The following HTR4 variants were observed in gnomAD, a reference collection of about 807,000 sequenced individuals.
The protein encoded by HTR4 is 5-hydroxytryptamine receptor 4.
HTR4 carries 16 observed loss-of-function variants against 36.8 expected under a neutral mutation model. The observed-to-expected ratio is 0.43, with a 90% confidence interval of 0.29 to 0.66. The LOEUF (loss-of-function observed/expected upper bound fraction) is 0.66, where lower values mean the gene tolerates loss of function less well. HTR4 is among the 30% of genes least tolerant of loss of function. HTR4 has a pLI of 0.13. For synonymous variants in HTR4, 189 were observed against 185.1 expected, an observed-to-expected ratio of 1.02 and a Z score of -0.17; for missense variants, 438 against 490.9, an observed-to-expected ratio of 0.89 and a Z score of 1.02.
intron 4 of HTR4, among the ~76,000 whole-genome samples, chr5:148,527,831 C>T (rs1358587272): frequency 6.6e-6 from 1 of 152,138 alleles, no homozygotes; most frequent in Admixed American, 6.5e-5. Context: ...CTAGGCTTGT[C>T]TCAAATTCCT....
At chr5:148,587,932 T>A (rs1008041666) in intron 2 of HTR4, among the ~76,000 whole-genome samples, 1 of 152,148 alleles carries the variant, frequency 6.6e-6, no homozygotes, top group Non-Finnish European at 1.5e-5. Flanking sequence ...TCTTGCACCC[T>A]CGTACTTCCT....
chr5:148,572,312 G>A (rs747581919), intron 2 of HTR4, among the ~76,000 whole-genome samples: 4 of 152,034 alleles, frequency 2.6e-5, no homozygotes, highest in Non-Finnish European at 4.4e-5. Context: ...TATGGTTATA[G>A]ATATTATGAC....
At chr5:148,528,125 G>C (rs1272966480) in intron 4 of HTR4, among the ~76,000 whole-genome samples, 1 of 152,098 alleles carries the variant, frequency 6.6e-6, no homozygotes, top group East Asian at 1.9e-4. Flanking sequence ...TTATCAATAA[G>C]TAAAGGGGGA....
intron 2 of HTR4, among the ~76,000 whole-genome samples, chr5:148,611,785 C>A (rs1438574907): frequency 6.6e-6 from 1 of 151,436 alleles, no homozygotes; most frequent in Admixed American, 6.6e-5. Context: ...GGAAACCCAT[C>A]TCACGTGCAG....
At chr5:148,604,825 G>A (rs1042904912) in intron 2 of HTR4, among the ~76,000 whole-genome samples, 1 of 152,192 alleles carries the variant, frequency 6.6e-6, no homozygotes, top group African/African-American at 2.4e-5. Flanking sequence ...CAGGGTAGAG[G>A]TAGGGACTAA....
intron 2 of HTR4, among the ~76,000 whole-genome samples, chr5:148,589,687 A>C (rs1174125763): frequency 6.6e-6 from 1 of 152,126 alleles, no homozygotes; most frequent in South Asian, 2.1e-4. Context: ...AGAAGATTTA[A>C]TTTTATTTTC....
intron 6 of HTR4, among the ~76,000 whole-genome samples, chr5:148,487,761 T>TAG (rs1480570994): frequency 2.7e-5 from 4 of 148,154 alleles, no homozygotes; most frequent in African/African-American, 1.0e-4. Flanking sequence ...ATAGAGACAG[T>TAG]AGAGAGAGCG....
At chr5:148,568,139 T>C (rs1034112253) in intron 2 of HTR4, among the ~76,000 whole-genome samples, 1 of 152,190 alleles carries the variant, frequency 6.6e-6, no homozygotes, top group Non-Finnish European at 1.5e-5. Context: ...CAAGACGTTA[T>C]ATATGTTACA....
chr5:148,497,182 T>A (rs1213617559), intron 6 of HTR4, among the ~76,000 whole-genome samples: 1 of 150,386 alleles, frequency 6.6e-6, no homozygotes, highest in Non-Finnish European at 1.5e-5. Flanking sequence ...GATGGTGTTT[T>A]ATTTTTATTT....
intron 2 of HTR4, among the ~76,000 whole-genome samples, chr5:148,578,094 A>T (rs1760997833): frequency 6.6e-6 from 1 of 152,106 alleles, no homozygotes; most frequent in Non-Finnish European, 1.5e-5. Context: ...ATACATGCTT[A>T]ATGTACTAAA....
At chr5:148,461,885 A>G (rs1460511994) in intron 5 of HTR4, 1 of 152,098 alleles carries the variant, frequency 6.6e-6, no homozygotes, top group Non-Finnish European at 1.5e-5. Flanking sequence ...TAACAAATGT[A>G]AAAGAATAGA....
At chr5:148,485,873 G>C (rs1756131677) in intron 6 of HTR4, among the ~76,000 whole-genome samples, 1 of 152,178 alleles carries the variant, frequency 6.6e-6, no homozygotes, top group Admixed American at 6.5e-5. Context: ...GAGAGGAAGA[G>C]GTTCTTTGAG....
intron 2 of HTR4, among the ~76,000 whole-genome samples, chr5:148,581,456 A>C (rs1036586891): frequency 6.6e-6 from 1 of 152,026 alleles, no homozygotes; most frequent in Admixed American, 6.6e-5. Context: ...GTTTTCTTCC[A>C]GGCATTTTAT....
intron 1 of HTR4, among the ~76,000 whole-genome samples, chr5:148,639,415 C>G (rs1230557747): frequency 6.6e-6 from 1 of 151,992 alleles, no homozygotes; most frequent in Non-Finnish European, 1.5e-5. Flanking sequence ...TGGGCCGTAA[C>G]CGTAGGTTCC....
chr5:148,477,703 C>G (rs933512748), downstream of HTR4, among the ~76,000 whole-genome samples: 4 of 152,188 alleles, frequency 2.6e-5, no homozygotes, highest in African/African-American at 9.7e-5. Flanking sequence ...TGGTAAATGG[C>G]ACCAAAGCTA....
chr5:148,608,801 T>C (rs1384080689), intron 2 of HTR4, among the ~76,000 whole-genome samples: 2 of 152,224 alleles, frequency 1.3e-5, no homozygotes, highest in Non-Finnish European at 2.9e-5. Context: ...TGAGAGATGA[T>C]ACTGTTCTAA....
chr5:148,642,423 A>G (rs1375539263), intron 1 of HTR4, among the ~76,000 whole-genome samples: 1 of 152,220 alleles, frequency 6.6e-6, no homozygotes, highest in Non-Finnish European at 1.5e-5. Context: ...AGTTACAGGA[A>G]ACTTGTAGAA....
chr5:148,599,420 A>G (rs1054765742), intron 2 of HTR4, among the ~76,000 whole-genome samples: 2 of 152,170 alleles, frequency 1.3e-5, no homozygotes, highest in Non-Finnish European at 2.9e-5. Context: ...CATTTCTTCA[A>G]AGAAAAGACA....
At chr5:148,493,751 G>T (rs1756562458) in intron 6 of HTR4, among the ~76,000 whole-genome samples, 1 of 152,230 alleles carries the variant, frequency 6.6e-6, no homozygotes, top group East Asian at 1.9e-4. Flanking sequence ...CAAGTTGCTT[G>T]TATTTTTATT....
Sources: gnomAD v4.1 joint callset for allele counts (sites outside exome capture counted in the v4.1 genomes callset) on GRCh38, gnomAD v4.1.1 for gene constraint, MANE v1.5 for transcripts, NCBI Gene and HGNC (gene_info 2026-07-23, HGNC 2026-07-21) for gene names.